EP400: variants seen among roughly 807,000 people sequenced by gnomAD.
EP400 encodes the protein E1A binding protein p400, also known as E1A-binding protein p400.
A neutral mutation model predicts 354.1 loss-of-function variants in EP400; 105 were observed. That is an observed-to-expected ratio of 0.30 (90% CI 0.25 to 0.35). The LOEUF is 0.35. Ranked by LOEUF, EP400 falls within the 10% of genes least tolerant of loss-of-function variation. The probability of loss-of-function intolerance (pLI) is 1.00; values close to 1 mark genes in which losing one functional copy is unlikely to be tolerated. For missense variants in EP400, 3,280 were observed against 4,121.0 expected, an observed-to-expected ratio of 0.80 and a Z score of 5.59; for synonymous variants, 1,646 against 1,716.9, an observed-to-expected ratio of 0.96 and a Z score of 1.02.
chr12:131,960,036 C>T (rs1891824068), intron 1 of EP400, among the ~76,000 whole-genome samples: 1 of 152,228 alleles, frequency 6.6e-6, no homozygotes, highest in African/African-American at 2.4e-5. Flanking sequence ...TGCACACCCT[C>T]ATTCAGCAAG....
chr12:131,952,011 C>T (rs1282906674), intron 1 of EP400, among the ~76,000 whole-genome samples: 1 of 151,742 alleles, frequency 6.6e-6, no homozygotes, highest in African/African-American at 2.4e-5. Flanking sequence ...GTCTTGAACT[C>T]CTGACCTCAG....
rs2136626768 is a variant in EP400, at chr12:132,075,966, T to G, written c.9022-550T>G. The G allele has an allele frequency of 5.0e-6, 1 of 199,716 alleles. No homozygotes were observed. Among genetic ancestry groups the G allele is most frequent in the East Asian group, 1.2e-4 (1 of 8,552 alleles). The allele number at this position is 199,716 out of a possible 1,614,324, so 12.4% of individuals were successfully genotyped here. On this transcript the variant is annotated intron_variant, in intron 51 of 52. Coordinates refer to ENST00000389561, the MANE Select transcript of EP400 (RefSeq NM_015409.5). This position sits in a 1 kb window ranked among gnomAD's most constrained non-coding sequence, Gnocchi z 4.5. The stretch of plus-strand genomic sequence containing the variant: ...AGCGGGAGATGCATGCAGTAGCAAG[T>G]GCACAGAAAGTGGGCACTGGGTGGA...
At chr12:132,012,503 C>G (rs931065888) in intron 16 of EP400, among the ~76,000 whole-genome samples, 4 of 152,170 alleles carry the variant, frequency 2.6e-5, no homozygotes, top group African/African-American at 9.7e-5. Context: ...TCCTTGAGAG[C>G]AGGGAAGTCT....
intron 12 of EP400, among the ~76,000 whole-genome samples, chr12:132,004,678 T>C (rs149465931): frequency 6.6e-6 from 1 of 152,336 alleles, no homozygotes; most frequent in East Asian, 1.9e-4. Flanking sequence ...GAAAATATTT[T>C]ATACTTTTAA....
At chr12:132,005,370 C>A (rs1300683928) in intron 13 of EP400, among the ~76,000 whole-genome samples, 186 bp downstream of exon 13, 1 of 152,054 alleles carries the variant, frequency 6.6e-6, no homozygotes, top group Non-Finnish European at 1.5e-5. Context: ...ATTAACCTGG[C>A]ACAGTTATCG....
chr12:131,961,828 C>T lies in EP400; in HGVS notation c.1209C>T (p.Phe403=). Residue 403 remains phenylalanine, a synonymous_variant, in exon 2 of 53, where the codon TTC becomes TTT. Transcript: ENST00000389561. ...ACTTTCAAGGGAACATGATGGATTTCTTAGCTTTCAAGAAGAAACATTATG... is the reference window on the plus strand; with the variant it reads ...ACTTTCAAGGGAACATGATGGATTTTTTAGCTTTCAAGAAGAAACATTATG... ...LQHFQGNMMD[F]LAFKKKHYAP... 1.2e-6 allele frequency: 2 copies of T among 1,614,146 alleles called. No homozygotes were observed. The highest frequency in any genetic ancestry group is 1.7e-6 in the Non-Finnish European group (2 of 1,180,030).
At chr12:131,954,423 A>G (rs1002832351) in intron 1 of EP400, among the ~76,000 whole-genome samples, 1 of 151,548 alleles carries the variant, frequency 6.6e-6, no homozygotes, top group African/African-American at 2.4e-5. Context: ...CCCTGTCTAT[A>G]CAAAAAAATA....
In EP400 at chr12:132,050,172, C is replaced by T; in HGVS notation, c.7201-151C>T. ...TTAATGCCGCTGCTGTTGGGTTATG[C>T]CTGAACTTGGAAAGAAGGCCCAGGA... On this transcript the variant is annotated intron_variant, in intron 39 of 52. Coordinates refer to ENST00000389561, the MANE Select transcript of EP400 (RefSeq NM_015409.5). This position sits in a 1 kb window ranked among gnomAD's most constrained non-coding sequence, Gnocchi z 4.8. The T allele has an allele frequency of 1.1e-6, 1 of 927,852 alleles. No homozygotes were observed. 57.5% of individuals were successfully genotyped at this position (927,852 alleles called of 1,614,324 possible). A position where few individuals can be genotyped will look rare whatever the true frequency, so the allele number is the denominator to read the frequency against.
chr12:132,061,436 A>C (rs1300602913), intron 45 of EP400, among the ~76,000 whole-genome samples: 2 of 152,250 alleles, frequency 1.3e-5, no homozygotes, highest in Non-Finnish European at 2.9e-5. Context: ...AGAAACTAAA[A>C]ATACACTGCA....
At chr12:131,992,848 C>T (rs1424967097) in intron 11 of EP400, among the ~76,000 whole-genome samples, 1 of 152,092 alleles carries the variant, frequency 6.6e-6, no homozygotes, top group Non-Finnish European at 1.5e-5. Context: ...TGCAGTTTCT[C>T]CTTCGGCTCT....
In EP400 at chr12:131,990,080, G is replaced by A. The variant is rs1291427024; in HGVS notation, c.2526G>A (p.Glu842=). ...CCGCCTCCACGGCCCGGGAGATAGA[G>A]TGCTTTTGGTCGAATATTGAACAGG... ...RIAASTAREI[E]CFWSNIEQVV... Residue 842 remains glutamate (E), a synonymous_variant, in exon 8 of 53, where the codon GAG becomes GAA. Transcript: ENST00000389561. This position sits in a 1 kb window ranked among gnomAD's most constrained non-coding sequence, Gnocchi z 4.2. The A allele has an allele frequency of 6.2e-7, 1 of 1,609,896 alleles. No individual in the cohort carries two copies. The highest frequency in any genetic ancestry group is 8.5e-7 in the Non-Finnish European group (1 of 1,178,902).
intron 39 of EP400, among the ~76,000 whole-genome samples, chr12:132,049,408 G>C (rs1895221849): frequency 6.6e-6 from 1 of 152,224 alleles, no homozygotes. Flanking sequence ...AGACTGCTGT[G>C]GCCTTGCATG....
At chr12:132,062,728 C>CG in intron 47 of EP400, 27 bp downstream of exon 47, 2 of 1,609,454 alleles carry the variant, frequency 1.2e-6, no homozygotes, top group East Asian at 4.5e-5. Flanking sequence ...GGACCATGAA[C>CG]GTGTGCGTCT....
chr12:132,051,524 G>A (rs1184552070), intron 41 of EP400, among the ~76,000 whole-genome samples: 1 of 152,198 alleles, frequency 6.6e-6, no homozygotes, highest in East Asian at 1.9e-4. Flanking sequence ...CACTGGACAG[G>A]GGGCCCTTCC....
rs751278848 is a variant in EP400, at chr12:132,067,600, G to A, written c.8874+114G>A. ...ATGTGGCGGCTCACGCTTTTCAGAG[G>A]GTGGCTTCAAGGGCTGGAGGTGCTA... On this transcript the variant is annotated intron_variant, in intron 50 of 52. Transcript: ENST00000389561. This position sits in a 1 kb window ranked among gnomAD's most constrained non-coding sequence, Gnocchi z 5.3. 1.2e-5 allele frequency: 17 copies of A among 1,462,068 alleles called. No individual in the cohort carries two copies. Among genetic ancestry groups the A allele is most frequent in the Non-Finnish European group, 1.6e-5 (17 of 1,094,120 alleles). The allele number at this position is 1,462,068 out of a possible 1,614,324, so 90.6% of individuals were successfully genotyped here.
Position 132,013,783 on chromosome 12 carries a change from C to T in EP400, c.3793C>T (p.Gln1265Ter). 6.2e-7 allele frequency: 1 copy of T among 1,613,372 alleles called. No individual in the cohort carries two copies. The highest frequency in any genetic ancestry group is 8.5e-7 in the Non-Finnish European group (1 of 1,179,796). Residue 1265 changes from glutamine to a stop codon, truncating the protein, a stop_gained, in exon 19 of 53, where the codon CAG becomes TAG. Coordinates refer to ENST00000389561, the MANE Select transcript of EP400 (RefSeq NM_015409.5). LOFTEE classifies it high-confidence loss of function. The surrounding 1 kb of genome is among the most constrained non-coding windows in gnomAD (Gnocchi z 4.5). ...KVVIRLHRVT[Q>*]PFILRRTKRD... is the part of the protein sequence containing the mutation. ...AAACAGTTTTTATTTTCAGGTGACA[C>T]AGCCATTTATTTTGAGGAGAACTAA...
chr12:132,069,555 C>T lies in EP400; in HGVS notation c.8935C>T (p.Pro2979Ser), dbSNP rs755528613. ...AQQKVAYAAQPALKTQFLTTP... is the reference protein window; with the variant it reads ...AQQKVAYAAQSALKTQFLTTP... Reference sequence around the variant, plus strand: ...GCAGAAGGTTGCCTACGCCGCGCAGCCGGCCCTTAAGACCCAGTTTCTTAC... The same window carrying T: ...GCAGAAGGTTGCCTACGCCGCGCAGTCGGCCCTTAAGACCCAGTTTCTTAC... Residue 2979 changes from proline to serine, a missense_variant, in exon 51 of 53, where the codon CCG becomes TCG. Pro to Ser is a moderately conservative substitution (Grantham distance 74). Transcript: ENST00000389561. The T allele has an allele frequency of 1.2e-6, 2 of 1,614,110 alleles. No homozygotes were observed. Among genetic ancestry groups the T allele is most frequent in the Admixed American group, 3.3e-5 (2 of 60,012 alleles).
intron 48 of EP400, 200 bp downstream of exon 48, chr12:132,065,086 C>T (rs1895845920): frequency 1.0e-6 from 1 of 974,010 alleles, no homozygotes; most frequent in Non-Finnish European, 1.5e-6. Context: ...GCTCCCAGAG[C>T]CCATCCAGGC....
In EP400 at chr12:131,991,470, T is replaced by G; in HGVS notation, c.2679+14T>G. ...GAAAGTTCTCTGGTAAGTTTGGGGT[T>G]GTTACTGTGCTGTGTGAGAAGGAGT... On this transcript the variant is annotated intron_variant, in intron 10 of 52. Transcript: ENST00000389561. The G allele has an allele frequency of 8.1e-6, 13 of 1,613,870 alleles. No individual in the cohort carries two copies. The highest frequency in any genetic ancestry group is 1.1e-5 in the Non-Finnish European group (13 of 1,179,796).
Sources: allele counts gnomAD v4.1 joint callset (sites outside exome capture counted in the v4.1 genomes callset), GRCh38; gene constraint gnomAD v4.1.1; non-coding constraint Gnocchi (gnomAD v3.1); transcripts MANE v1.5; gene names NCBI Gene and HGNC (gene_info 2026-07-23, HGNC 2026-07-21).